NXN: variants seen among roughly 807,000 people sequenced by gnomAD.
The protein encoded by NXN is nucleoredoxin.
NXN carries 16 observed loss-of-function variants against 48.6 expected under a neutral mutation model. That is an observed-to-expected ratio of 0.33 (90% CI 0.22 to 0.50). The LOEUF (loss-of-function observed/expected upper bound fraction) is 0.50. Among genes scored for constraint, NXN ranks in the 20% least tolerant of loss-of-function variants. The probability of loss-of-function intolerance (pLI) is 0.98; values close to 1 mark genes in which losing one functional copy is unlikely to be tolerated. For missense variants in NXN, 492 were observed against 605.5 expected, an observed-to-expected ratio of 0.81 and a Z score of 1.97; for synonymous variants, 281 against 269.6, an observed-to-expected ratio of 1.04 and a Z score of -0.41.
intron 1 of NXN, among the ~76,000 whole-genome samples, chr17:829,179 C>CA (rs1913310404): frequency 6.7e-6 from 1 of 149,254 alleles, no homozygotes; most frequent in Non-Finnish European, 1.5e-5. Context: ...GTGGGGCAAA[C>CA]AGAGTCTCGC....
In NXN at chr17:834,057, C is replaced by T. The variant is rs113074435; in HGVS notation, c.361-7979G>A. ...TCTCAGGGCCAGGTGCGGTGGCTCA[C>T]GCCTGGAATCCCAGCACTCTGGGGG... On this transcript the variant is annotated intron_variant, in intron 1 of 7. Transcript: ENST00000336868. Among the ~76,000 whole-genome samples the T allele has an allele frequency of 2.8e-3, 422 of 152,334 alleles. 1 individual carries two copies. The highest frequency in any genetic ancestry group is 8.8e-3 in the African/African-American group (368 of 41,584).
In NXN at chr17:825,368, GGGA is replaced by G. The variant is rs1371713116; in HGVS notation, c.478+590_478+592del. On this transcript the variant is annotated intron_variant, in intron 2 of 7. Transcript: ENST00000336868. The surrounding 1 kb of genome is among the most constrained non-coding windows in gnomAD (Gnocchi z 4.1). ...CTTCTCACTGGACGGATTAAGTGAG[GGGA>G]GGAGATCTCACAGCCCTGTTCTCAC... Among the ~76,000 whole-genome samples, 3 of 152,192 alleles carry G rather than the reference GGGA, an allele frequency of 2.0e-5. No individual in the cohort carries two copies. The highest frequency in any genetic ancestry group is 2.9e-5 in the Non-Finnish European group (2 of 68,038).
Position 919,484 on chromosome 17 carries a change from G to A in NXN, c.360+59835C>T, listed in dbSNP as rs948809226. 1.3e-4 allele frequency among the ~76,000 whole-genome samples: 20 copies of A among 152,146 alleles called. No individual in the cohort carries two copies. The highest frequency in any genetic ancestry group is 4.8e-4 in the African/African-American group (20 of 41,430). ...TAGAAAACGTGTTATTGTAACACGA[G>A]GAAAAAGCCCTGTAATCTCAGCACA... On this transcript the variant is annotated intron_variant, in intron 1 of 7. Coordinates refer to ENST00000336868, the MANE Select transcript of NXN (RefSeq NM_022463.5). The surrounding 1 kb of genome is among the most constrained non-coding windows in gnomAD (Gnocchi z 5.1).
At chr17:884,234 A>G (rs1760236403) in intron 1 of NXN, among the ~76,000 whole-genome samples, 1 of 144,860 alleles carries the variant, frequency 6.9e-6, no homozygotes, top group African/African-American at 2.6e-5. Context: ...AAATAAATAA[A>G]TAAATAAATA....
At chr17:886,077 A>C (rs982252790) in intron 1 of NXN, among the ~76,000 whole-genome samples, 1 of 152,010 alleles carries the variant, frequency 6.6e-6, no homozygotes, top group South Asian at 2.1e-4. Context: ...CACAAAAGGC[A>C]CAAAGAGGCT....
Position 927,230 on chromosome 17 carries a change from G to A in NXN, c.360+52089C>T, listed in dbSNP as rs536024163. ...TGGGAAGCGGAGGTTGCAGTGAGCC[G>A]AGATTGTGCCACTACACTCCAGCCT... On this transcript the variant is annotated intron_variant, in intron 1 of 7. Transcript: ENST00000336868. Among the ~76,000 whole-genome samples, 52 of 151,384 alleles carry A rather than the reference G, an allele frequency of 3.4e-4. No individual in the cohort carries two copies. In the East Asian group the frequency reaches 8.2e-3, roughly 24 times the overall value.
chr17:836,867 C>T lies in NXN; in HGVS notation c.361-10789G>A, dbSNP rs76107502. Among the ~76,000 whole-genome samples the T allele has an allele frequency of 3.3e-5, 5 of 152,292 alleles. No individual in the cohort carries two copies. In the South Asian group the frequency reaches 6.2e-4, roughly 19 times the overall value. On this transcript the variant is annotated intron_variant, in intron 1 of 7. Transcript: ENST00000336868. ...GTGGCCCAGGCAAAATCATGGCTCA[C>T]TGCAGCCTCCACCTCCCGGGCTCAA...
At chr17:835,103 T>G (rs1198920788) in intron 1 of NXN, among the ~76,000 whole-genome samples, 1 of 150,456 alleles carries the variant, frequency 6.6e-6, no homozygotes, top group Non-Finnish European at 1.5e-5. Context: ...GGTCAGGAGA[T>G]CGAGACCATC....
At chr17:951,858 G>C (rs1199784662) in intron 1 of NXN, among the ~76,000 whole-genome samples, 4 of 152,190 alleles carry the variant, frequency 2.6e-5, no homozygotes, top group Middle Eastern at 6.8e-3. Context: ...CAATGAGCTC[G>C]GCACACTCAG....
intron 1 of NXN, among the ~76,000 whole-genome samples, chr17:835,262 C>G (rs748582330): frequency 6.7e-6 from 1 of 149,024 alleles, no homozygotes; most frequent in East Asian, 2.0e-4. Context: ...GAGCTGAGAT[C>G]GTGCCACTGC....
chr17:877,892 T>A (rs1307306077), intron 1 of NXN: 1 of 152,224 alleles, frequency 6.6e-6, no homozygotes, highest in African/African-American at 2.4e-5. Context: ...TTTTCCAGAC[T>A]GTGAACCATG....
chr17:908,859 T>C (rs1422970232), intron 1 of NXN, among the ~76,000 whole-genome samples: 1 of 151,946 alleles, frequency 6.6e-6, no homozygotes, highest in Non-Finnish European at 1.5e-5. Flanking sequence ...ATCCCAGCAC[T>C]TTGGGAGGCC....
intron 1 of NXN, among the ~76,000 whole-genome samples, chr17:869,511 T>G (rs923675458): frequency 1.3e-5 from 2 of 152,242 alleles, no homozygotes; most frequent in African/African-American, 4.8e-5. Context: ...AGGACCATAT[T>G]GGCAAAAGCT....
chr17:868,978 T>C (rs1477445853), intron 1 of NXN, among the ~76,000 whole-genome samples: 2 of 152,188 alleles, frequency 1.3e-5, no homozygotes, highest in African/African-American at 4.8e-5. Flanking sequence ...AGGCTGAGTG[T>C]TGGAGCTTCC....
chr17:879,758 T>C (rs11870190), intron 1 of NXN: 24,545 of 152,036 alleles, frequency 0.16, 2,442 homozygotes, highest in Middle Eastern at 0.33. Context: ...TGGGAGGAGC[T>C]TTTCTGCAGG....
chr17:862,327 G>A (rs1320103110), intron 1 of NXN, among the ~76,000 whole-genome samples: 1 of 152,178 alleles, frequency 6.6e-6, no homozygotes, highest in African/African-American at 2.4e-5. Flanking sequence ...ATCAGCTTCG[G>A]CAACATAGTA....
intron 1 of NXN, among the ~76,000 whole-genome samples, chr17:965,268 T>C (rs1363247559): frequency 6.6e-6 from 1 of 152,086 alleles, no homozygotes; most frequent in Non-Finnish European, 1.5e-5. Context: ...GGAGGGAGTC[T>C]CGATTTTCAA....
chr17:934,032 A>AT (rs1313976238), intron 1 of NXN, among the ~76,000 whole-genome samples: 1 of 152,228 alleles, frequency 6.6e-6, no homozygotes, highest in African/African-American at 2.4e-5. Context: ...ACTTCAATTA[A>AT]TTTTTAAAAA....
chr17:846,424 AAAAAAAAG>A (rs1435018522), intron 1 of NXN, among the ~76,000 whole-genome samples: 19 of 149,752 alleles, frequency 1.3e-4, no homozygotes, highest in African/African-American at 3.9e-4. Context: ...AAAAAAAAAA[AAAAAAAAG>A]AAAAGAAAAA....
Sources: allele counts gnomAD v4.1 joint callset (sites outside exome capture counted in the v4.1 genomes callset), GRCh38; gene constraint gnomAD v4.1.1; non-coding constraint Gnocchi (gnomAD v3.1); transcripts MANE v1.5; gene names NCBI Gene and HGNC (gene_info 2026-07-23, HGNC 2026-07-21).